CEP128: variants seen among roughly 807,000 people sequenced by gnomAD.
CEP128 encodes centrosomal protein 128.
CEP128 carries 132 observed loss-of-function variants against 156.7 expected under a neutral mutation model. That is an observed-to-expected ratio of 0.84 (90% CI 0.73 to 0.97). CEP128 has a LOEUF of 0.97. Among genes scored for constraint, CEP128 ranks in the 50% least tolerant of loss-of-function variants. The pLI is 0.00. For missense variants in CEP128, 1,252 were observed against 1,281.9 expected, an observed-to-expected ratio of 0.98 and a Z score of 0.36; for synonymous variants, 469 against 448.9, an observed-to-expected ratio of 1.04 and a Z score of -0.57.
downstream of CEP128, among the ~76,000 whole-genome samples, chr14:80,487,544 A>G (rs190439929): frequency 1.4e-3 from 218 of 152,268 alleles, 1 homozygote; most frequent in African/African-American, 5.0e-3. Flanking sequence ...CATCTGCAGA[A>G]CTCTCCACCC....
At chr14:80,619,705 G>GT (rs1190483649) in intron 19 of CEP128, among the ~76,000 whole-genome samples, 1 of 100,278 alleles carries the variant, frequency 1.0e-5, no homozygotes, top group Non-Finnish European at 2.1e-5. Flanking sequence ...TCTGTCTCAA[G>GT]TTAAAAAAAA....
At chr14:80,877,964 A>G (rs1888362031) in intron 8 of CEP128, among the ~76,000 whole-genome samples, 1 of 151,924 alleles carries the variant, frequency 6.6e-6, no homozygotes, top group South Asian at 2.1e-4. Flanking sequence ...CCACCTGGGT[A>G]CCTCAGACCT....
intron 19 of CEP128, among the ~76,000 whole-genome samples, chr14:80,604,614 T>C (rs557540867): frequency 1.3e-5 from 2 of 152,132 alleles, no homozygotes; most frequent in Non-Finnish European, 2.9e-5. Flanking sequence ...TCGGTTAGCT[T>C]TTACAAACCA....
chr14:80,829,791 T>C (rs1295893875), intron 13 of CEP128, among the ~76,000 whole-genome samples: 1 of 152,108 alleles, frequency 6.6e-6, no homozygotes, highest in African/African-American at 2.4e-5. Context: ...CCCTAACCCA[T>C]AAGAAATTGT....
intron 19 of CEP128, among the ~76,000 whole-genome samples, chr14:80,708,204 G>A (rs989839239): frequency 1.1e-4 from 16 of 151,932 alleles, no homozygotes; most frequent in African/African-American, 3.6e-4. Context: ...ATTTTGTATT[G>A]TTTTCACTGT....
chr14:80,830,140 T>C (rs1300666391), intron 13 of CEP128: 1 of 478,072 alleles, frequency 2.1e-6, no homozygotes, highest in South Asian at 3.8e-5. Context: ...ACTTTAAAAG[T>C]TGTATAATTA....
At chr14:80,711,477 T>C (rs912628410) in intron 19 of CEP128, among the ~76,000 whole-genome samples, 1 of 152,128 alleles carries the variant, frequency 6.6e-6, no homozygotes, top group Admixed American at 6.6e-5. Context: ...AAATTACAGT[T>C]GTAACATCTT....
At chr14:80,647,432 G>A (rs138147533) in intron 19 of CEP128, among the ~76,000 whole-genome samples, 25 of 151,900 alleles carry the variant, frequency 1.6e-4, no homozygotes, top group African/African-American at 6.0e-4. Flanking sequence ...TACATACATG[G>A]TTTTGAAAGC....
At chr14:80,757,042 T>C in intron 17 of CEP128, 91 bp from the exon 18 acceptor site, 1 of 809,874 alleles carries the variant, frequency 1.2e-6, no homozygotes, top group East Asian at 2.8e-5. Flanking sequence ...TCCAAAAGTT[T>C]AGTTCCCCAA....
At chr14:80,479,810 C>T (rs560018305) in intron 14 of CEP128, among the ~76,000 whole-genome samples, 20 of 152,322 alleles carry the variant, frequency 1.3e-4, no homozygotes, top group African/African-American at 4.6e-4. Flanking sequence ...AAGCCCCTTA[C>T]ACGTATGAGC....
intron 9 of CEP128, among the ~76,000 whole-genome samples, chr14:80,849,303 G>C (rs1886769656): frequency 6.6e-6 from 1 of 152,154 alleles, no homozygotes; most frequent in Non-Finnish European, 1.5e-5. Context: ...CAAGTTCACA[G>C]GTCAGGAGGA....
chr14:80,489,100 A>T (rs1260526955), downstream of CEP128, among the ~76,000 whole-genome samples: 1 of 151,694 alleles, frequency 6.6e-6, no homozygotes, highest in Non-Finnish European at 1.5e-5. Flanking sequence ...AAACCTGCAC[A>T]TTGTGCACAT....
intron 21 of CEP128, among the ~76,000 whole-genome samples, chr14:80,549,031 G>A (rs554148894): frequency 1.3e-5 from 2 of 152,306 alleles, no homozygotes; most frequent in East Asian, 3.9e-4. Context: ...AAACAGTCAT[G>A]TTTCAGAAGC....
At chr14:80,822,581 G>A (rs61738580) in intron 13 of CEP128, 71 of 702,290 alleles carry the variant, frequency 1.0e-4, no homozygotes, top group East Asian at 4.5e-4. Context: ...GGTGAAGGAC[G>A]AATCACACAG....
intron 19 of CEP128, among the ~76,000 whole-genome samples, chr14:80,725,183 A>ATTT (rs201490130): frequency 3.6e-5 from 5 of 137,080 alleles, no homozygotes; most frequent in African/African-American, 1.1e-4. Flanking sequence ...TGTTTTCCCA[A>ATTT]TTTTTTTTTT....
intron 19 of CEP128, among the ~76,000 whole-genome samples, chr14:80,623,230 G>A (rs1235165598): frequency 5.5e-5 from 8 of 146,634 alleles, no homozygotes; most frequent in African/African-American, 2.0e-4. Context: ...AACACTGCAT[G>A]TTCTCACTCA....
At chr14:80,894,267 CT>C (rs1889240873) in intron 8 of CEP128, among the ~76,000 whole-genome samples, 4 of 151,920 alleles carry the variant, frequency 2.6e-5, no homozygotes. Flanking sequence ...ACAGGTTCCA[CT>C]CTAGAATTTA....
At chr14:80,487,548 T>C (rs1384009417), downstream of CEP128, among the ~76,000 whole-genome samples, 4 of 152,284 alleles carry the variant, frequency 2.6e-5, no homozygotes, top group South Asian at 8.3e-4. Context: ...TGCAGAACTC[T>C]CCACCCCAAA....
At chr14:80,538,724 G>A (rs1340084214) in intron 21 of CEP128, among the ~76,000 whole-genome samples, 1 of 152,032 alleles carries the variant, frequency 6.6e-6, no homozygotes, top group African/African-American at 2.4e-5. Flanking sequence ...TTTAAATGTA[G>A]AATTTGCATG....
Sources: allele counts gnomAD v4.1 joint callset (sites outside exome capture counted in the v4.1 genomes callset), GRCh38; gene constraint gnomAD v4.1.1; transcripts MANE v1.5; gene names NCBI Gene and HGNC (gene_info 2026-07-23, HGNC 2026-07-21).